MAF: variants seen among roughly 807,000 people sequenced by gnomAD.
The protein encoded by MAF is transcription factor Maf.
A neutral mutation model predicts 22.0 loss-of-function variants in MAF; 10 were observed. That is an observed-to-expected ratio of 0.45 (90% CI 0.28 to 0.77). The LOEUF is 0.77. Among genes scored for constraint, MAF ranks in the 30% least tolerant of loss-of-function variants. MAF has a pLI of 0.12. For missense variants in MAF, 544 were observed against 548.4 expected, an observed-to-expected ratio of 0.99 and a Z score of 0.08; for synonymous variants, 337 against 255.8, an observed-to-expected ratio of 1.32 and a Z score of -3.03.
chr16:79,251,446 G>T, the MAF span, among the ~76,000 whole-genome samples: 1 of 151,734 alleles, frequency 6.6e-6, no homozygotes, highest in South Asian at 2.1e-4. Flanking sequence ...CTCCAGAGTA[G>T]CTGGGATTAC....
At chr16:79,261,181 T>C in the MAF span, among the ~76,000 whole-genome samples, 1 of 152,094 alleles carries the variant, frequency 6.6e-6, no homozygotes, top group Admixed American at 6.6e-5. Flanking sequence ...AGACAGAGTC[T>C]TGCTCTTGTC....
chr16:79,391,878 G>GAGGAGGAGGAGA, the MAF span, among the ~76,000 whole-genome samples: 3 of 130,588 alleles, frequency 2.3e-5, no homozygotes, highest in African/African-American at 7.8e-5. Context: ...GGAGAAGGAG[G>GAGGAGGAGGAGA]AGGAGGAGGA....
the MAF span, among the ~76,000 whole-genome samples, chr16:79,340,054 T>A: frequency 6.6e-6 from 1 of 152,202 alleles, no homozygotes; most frequent in Non-Finnish European, 1.5e-5. Context: ...CCAGTCTGTG[T>A]CACTAAAGTG....
chr16:79,522,972 AC>A, the MAF span, among the ~76,000 whole-genome samples: 1 of 152,078 alleles, frequency 6.6e-6, no homozygotes, highest in African/African-American at 2.4e-5. Context: ...TCAAAATCTT[AC>A]CCCGCACAGG....
the MAF span, among the ~76,000 whole-genome samples, chr16:79,445,518 A>T: frequency 1.5e-4 from 23 of 152,188 alleles, no homozygotes; most frequent in African/African-American, 5.5e-4. Flanking sequence ...CAAAACCCTT[A>T]GAAGGCTGTA....
the MAF span, among the ~76,000 whole-genome samples, chr16:79,340,000 AAC>A: frequency 6.6e-6 from 1 of 152,206 alleles, no homozygotes; most frequent in African/African-American, 2.4e-5. Flanking sequence ...TGAGAAATGG[AAC>A]ACAGCCAACT....
At chr16:79,222,420 C>T in the MAF span, among the ~76,000 whole-genome samples, 3 of 152,104 alleles carry the variant, frequency 2.0e-5, no homozygotes, top group Non-Finnish European at 4.4e-5. Flanking sequence ...TATGAAGAAA[C>T]TGCATCAACT....
the MAF span, among the ~76,000 whole-genome samples, chr16:79,453,906 G>C: frequency 6.6e-6 from 1 of 152,134 alleles, no homozygotes; most frequent in African/African-American, 2.4e-5. Context: ...TGAATCCAGA[G>C]TGAAAATACT....
At chr16:79,539,907 TTA>T in the MAF span, among the ~76,000 whole-genome samples, 1 of 152,082 alleles carries the variant, frequency 6.6e-6, no homozygotes, top group Non-Finnish European at 1.5e-5. Flanking sequence ...TCTGATGAAA[TTA>T]TGAGTGATTT....
At chr16:79,212,134 A>C in the MAF span, 2 of 1,528,206 alleles carry the variant, frequency 1.3e-6, no homozygotes, top group Non-Finnish European at 1.8e-6. Context: ...GAATAGCCTG[A>C]GGTCCCCTCG....
chr16:79,538,025 T>C, the MAF span, among the ~76,000 whole-genome samples: 1 of 152,230 alleles, frequency 6.6e-6, no homozygotes, highest in Admixed American at 6.5e-5. Flanking sequence ...TCTTTATCTG[T>C]CTGGCTGCAG....
chr16:79,567,406 A>C, the MAF span, among the ~76,000 whole-genome samples: 2 of 152,210 alleles, frequency 1.3e-5, no homozygotes, highest in Non-Finnish European at 1.5e-5. Flanking sequence ...ATACACATAC[A>C]CAGATACATC....
the MAF span, among the ~76,000 whole-genome samples, chr16:79,455,463 T>C: frequency 6.6e-6 from 1 of 152,330 alleles, no homozygotes; most frequent in East Asian, 1.9e-4. Context: ...GATGCTACAT[T>C]ATCTCGGGTT....
Position 79,599,611 on chromosome 16 carries a change from G to A in MAF, c.292C>T (p.Pro98Ser), listed in dbSNP as rs1259671052. ...AGCGCCTCGGGGTTCAGCTGCTGCG[G>A]GTAGCCGGTCATCCAGTAGTAGTCT... Reference protein sequence around the residue: ...LEDYYWMTGYPQQLNPEALGF... With the variant: ...LEDYYWMTGYSQQLNPEALGF... The change falls in exon 1 of 2, where the codon CCG (proline) becomes TCG (serine). Residue 98 changes from proline (P) to serine (S), a missense_variant. Pro to Ser is a moderately conservative substitution (Grantham distance 74). Coordinates refer to ENST00000326043, the MANE Select transcript of MAF (RefSeq NM_005360.5). 1 of 1,610,458 alleles carries A rather than the reference G, an allele frequency of 6.2e-7. No individual in the cohort carries two copies. The highest frequency in any genetic ancestry group is 8.5e-7 in the Non-Finnish European group (1 of 1,179,130).
chr16:79,514,672 C>G, the MAF span, among the ~76,000 whole-genome samples: 2 of 152,156 alleles, frequency 1.3e-5, no homozygotes, highest in African/African-American at 2.4e-5. Flanking sequence ...CCCTGTCTAC[C>G]TCTACAGACC....
the MAF span, among the ~76,000 whole-genome samples, chr16:79,326,937 G>T: frequency 1.3e-5 from 2 of 152,154 alleles, no homozygotes; most frequent in Non-Finnish European, 2.9e-5. Context: ...TTCCAGATGG[G>T]ATAAGCTGGA....
At chr16:79,224,123 C>G in the MAF span, among the ~76,000 whole-genome samples, 1 of 152,170 alleles carries the variant, frequency 6.6e-6, no homozygotes, top group Non-Finnish European at 1.5e-5. Flanking sequence ...AAAATACTGG[C>G]AAACCGAATC....
At chr16:79,458,603 G>C in the MAF span, among the ~76,000 whole-genome samples, 1 of 152,162 alleles carries the variant, frequency 6.6e-6, no homozygotes, top group Admixed American at 6.5e-5. Context: ...TCTACTCTTT[G>C]TGCATTTCTG....
chr16:79,537,158 G>A, the MAF span, among the ~76,000 whole-genome samples: 1 of 152,270 alleles, frequency 6.6e-6, no homozygotes, highest in African/African-American at 2.4e-5. Context: ...ATGATAAAGT[G>A]GGTCATTTGG....
Sources: allele counts gnomAD v4.1 joint callset (sites outside exome capture counted in the v4.1 genomes callset), GRCh38; gene constraint gnomAD v4.1.1; transcripts MANE v1.5; gene names NCBI Gene and HGNC (gene_info 2026-07-23, HGNC 2026-07-21).